The following CLIP4 variants were observed in gnomAD, a reference collection of about 807,000 sequenced individuals.
CLIP4 encodes the protein CAP-Gly domain containing linker protein family member 4.
In CLIP4, 47 loss-of-function variants were observed where a neutral mutation model predicts 73.1. That is an observed-to-expected ratio of 0.64 (90% CI 0.51 to 0.82). The LOEUF is 0.82. Ranked by LOEUF, CLIP4 falls within the 40% of genes least tolerant of loss-of-function variation. The pLI is 0.00. For missense variants in CLIP4, 874 were observed against 852.9 expected (o/e 1.02, Z -0.31); for synonymous variants, 306 against 295.4 (o/e 1.04, Z -0.37).
Position 29,157,355 on chromosome 2 carries a change from TGGCTTTTTCAACCA to T in CLIP4, c.1399+15_1399+28del, listed in dbSNP as rs745970495. ...CATCCAGAGCCAGTGCTGGTATCTA[TGGCTTTTTCAACCA>T]GGCTTTCTTGGTGTTTTTTATCTTG... On this transcript the variant is annotated intron_variant, in intron 11 of 15. Transcript: ENST00000320081. 6.2e-7 allele frequency: 1 copy of T among 1,614,006 alleles called. No homozygotes were observed. Among genetic ancestry groups the T allele is most frequent in the South Asian group, 1.1e-5 (1 of 91,082 alleles).
In CLIP4 at chr2:29,157,403, G is replaced by GT. The variant is rs1666997707; in HGVS notation, c.1399+57dup. 3 of 1,613,310 alleles carry GT rather than the reference G, an allele frequency of 1.9e-6. No homozygotes were observed. The South Asian group carries it at 3.3e-5, about 18-fold the overall frequency. ...TGGTGTTTTTTATCTTGGTTTGTTTGTAAGTAGATTTGCTCTTTTTAAATG... is the reference window on the plus strand; with the variant it reads ...TGGTGTTTTTTATCTTGGTTTGTTTGTTAAGTAGATTTGCTCTTTTTAAATG... On this transcript the variant is annotated intron_variant, in intron 11 of 15. Transcript: ENST00000320081.
At chr2:29,122,644 C>A (rs1481936193) in intron 2 of CLIP4, among the ~76,000 whole-genome samples, 1 of 151,612 alleles carries the variant, frequency 6.6e-6, no homozygotes, top group Non-Finnish European at 1.5e-5. Context: ...TGGAATTAAA[C>A]GTTGAAACCC....
intron 6 of CLIP4, among the ~76,000 whole-genome samples, chr2:29,142,964 G>C (rs1665876695): frequency 6.6e-6 from 1 of 152,182 alleles, no homozygotes; most frequent in African/African-American, 2.4e-5. Context: ...CAAATCCCAG[G>C]ATACAGTCTT....
intron 14 of CLIP4, among the ~76,000 whole-genome samples, chr2:29,171,644 G>A (rs1375225388): frequency 1.3e-5 from 2 of 150,814 alleles, no homozygotes; most frequent in Admixed American, 6.6e-5. Flanking sequence ...TCAGCCTCCC[G>A]AGTAGCTGGG....
At chr2:29,113,356 G>A (rs1270342650), upstream of CLIP4, among the ~76,000 whole-genome samples, 1 of 152,166 alleles carries the variant, frequency 6.6e-6, no homozygotes, top group Non-Finnish European at 1.5e-5. This position sits in a 1 kb window ranked among gnomAD's most constrained non-coding sequence, Gnocchi z 4.0. Context: ...ATCCCCATGT[G>A]CCTTCCCACC....
intron 2 of CLIP4, among the ~76,000 whole-genome samples, chr2:29,126,440 A>T (rs1572894470): frequency 6.6e-6 from 1 of 152,182 alleles, no homozygotes; most frequent in Non-Finnish European, 1.5e-5. Flanking sequence ...TTCTTCTTCT[A>T]TAAAATGAGA....
At chr2:29,166,996 T>G (rs1052412884) in intron 13 of CLIP4, among the ~76,000 whole-genome samples, 2 of 152,210 alleles carry the variant, frequency 1.3e-5, no homozygotes, top group Non-Finnish European at 2.9e-5. Flanking sequence ...GTGACCTTTA[T>G]AATTGTGGCT....
At chr2:29,144,372 A>G (rs1665999791) in intron 7 of CLIP4, among the ~76,000 whole-genome samples, 1 of 152,102 alleles carries the variant, frequency 6.6e-6, no homozygotes, top group Non-Finnish European at 1.5e-5. Flanking sequence ...GCAGTCTGAG[A>G]TATTATGTAA....
At chr2:29,175,177 G>A (rs927329248) in intron 15 of CLIP4, among the ~76,000 whole-genome samples, 2 of 152,116 alleles carry the variant, frequency 1.3e-5, no homozygotes, top group African/African-American at 4.8e-5. Context: ...GTCCCACTGT[G>A]GATAGGCAGG....
chr2:29,178,347 T>G (rs968201391), intron 15 of CLIP4, among the ~76,000 whole-genome samples: 1 of 151,940 alleles, frequency 6.6e-6, no homozygotes, highest in Non-Finnish European at 1.5e-5. Flanking sequence ...GCCTAGCTAA[T>G]TTTTTGTATT....
chr2:29,100,120 G>A (rs1004279021), intron 1 of CLIP4, among the ~76,000 whole-genome samples: 1 of 149,554 alleles, frequency 6.7e-6, no homozygotes, highest in Non-Finnish European at 1.5e-5. Context: ...GTAGAGACAG[G>A]GTTTTCGCCG....
At chr2:29,149,305 G>C (rs577641487) in intron 8 of CLIP4, among the ~76,000 whole-genome samples, 1 of 151,988 alleles carries the variant, frequency 6.6e-6, no homozygotes, top group South Asian at 2.1e-4. Flanking sequence ...AGGTTATTTA[G>C]TATAAAATGA....
In CLIP4 at chr2:29,128,832, C is replaced by T. The variant is rs976769213; in HGVS notation, c.134-2426C>T. The stretch of plus-strand genomic sequence containing the variant: ...ACTTCACATTTTTTCTTGACTGTCA[C>T]GCTAGCATTCTGTAGATTGAGAAAT... On this transcript the variant is annotated intron_variant, in intron 2 of 15. Transcript: ENST00000320081. Among the ~76,000 whole-genome samples, 12 of 152,030 alleles carry T rather than the reference C, an allele frequency of 7.9e-5. No individual in the cohort carries two copies. The East Asian group carries it at 9.6e-4, about 12-fold the overall frequency.
chr2:29,104,980 T>C (rs1244748249), intron 1 of CLIP4, among the ~76,000 whole-genome samples: 3 of 152,160 alleles, frequency 2.0e-5, no homozygotes, highest in South Asian at 4.1e-4. Flanking sequence ...TGTGTGGCTG[T>C]TGTTTTTTTG....
chr2:29,136,800 C>A (rs1339041251), intron 6 of CLIP4, among the ~76,000 whole-genome samples: 1 of 151,812 alleles, frequency 6.6e-6, no homozygotes, highest in African/African-American at 2.4e-5. Flanking sequence ...AGGGGGGAGG[C>A]GTTTGCTTTT....
At chr2:29,110,733 G>C (rs1228257695), upstream of CLIP4, among the ~76,000 whole-genome samples, 1 of 152,124 alleles carries the variant, frequency 6.6e-6, no homozygotes, top group Non-Finnish European at 1.5e-5. Context: ...CTGTCCCCTA[G>C]GCTGGAGTGC....
At chr2:29,174,806 G>T (rs1209182915) in intron 15 of CLIP4, 1 of 405,834 alleles carries the variant, frequency 2.5e-6, no homozygotes, top group Non-Finnish European at 3.3e-6. Context: ...ATACATGAAA[G>T]AAATGTAAGG....
chr2:29,182,960 G>T lies in CLIP4; in HGVS notation c.*1067G>T, dbSNP rs565517264. On this transcript the variant is annotated 3_prime_UTR_variant, in exon 16 of 16. Transcript: ENST00000320081. ...ATAATATCTGGATTTTTTTTGTTTT[G>T]TTACTCATAGAACTGGTGTTGTTTG... is the stretch of plus-strand genomic sequence containing the variant. 7 of 152,302 alleles carry T rather than the reference G, an allele frequency of 4.6e-5. No homozygotes were observed. In the South Asian group the frequency reaches 1.5e-3, roughly 32 times the overall value. The allele number at this position is 152,302 out of a possible 1,614,324, so 9.4% of individuals were successfully genotyped here.
At chr2:29,179,796 T>G (rs913784049) in intron 15 of CLIP4, among the ~76,000 whole-genome samples, 2 of 152,238 alleles carry the variant, frequency 1.3e-5, no homozygotes, top group South Asian at 4.1e-4. Flanking sequence ...AGTAAAGATG[T>G]ATGCTTTTTC....
Sources: gnomAD v4.1 joint callset for allele counts (sites outside exome capture counted in the v4.1 genomes callset) on GRCh38, gnomAD v4.1.1 for gene constraint, Gnocchi (gnomAD v3.1) non-coding constraint, MANE v1.5 for transcripts, NCBI Gene and HGNC (gene_info 2026-07-23, HGNC 2026-07-21) for gene names.